CSTPP1: variants seen among roughly 807,000 people sequenced by gnomAD.
The protein encoded by CSTPP1 is centriolar satellite-associated tubulin polyglutamylase complex regulator 1.
chr11:47,007,969 T>C, the CSTPP1 span, among the ~76,000 whole-genome samples: 1 of 152,110 alleles, frequency 6.6e-6, no homozygotes, highest in Non-Finnish European at 1.5e-5. Context: ...ACTCTATTTT[T>C]TTTTTCTTTT....
the CSTPP1 span, chr11:47,157,930 A>G: frequency 6.2e-7 from 1 of 1,609,008 alleles, no homozygotes; most frequent in Non-Finnish European, 8.5e-7. Flanking sequence ...TCGGTAAGTC[A>G]GAGCTAAGCA....
chr11:47,034,332 G>A, the CSTPP1 span, among the ~76,000 whole-genome samples: 2,311 of 152,052 alleles, frequency 0.015, 63 homozygotes, highest in African/African-American at 0.053. Context: ...TCATAAACCT[G>A]ACTGTGTTTG....
the CSTPP1 span, among the ~76,000 whole-genome samples, chr11:47,072,841 T>C: frequency 6.6e-6 from 1 of 152,198 alleles, no homozygotes; most frequent in African/African-American, 2.4e-5. Flanking sequence ...GTTTCTACTT[T>C]TAAAGTAAAA....
the CSTPP1 span, among the ~76,000 whole-genome samples, chr11:47,028,445 G>A: frequency 6.6e-6 from 1 of 152,130 alleles, no homozygotes; most frequent in Non-Finnish European, 1.5e-5. Context: ...GATAACAACA[G>A]CCTACTAGAG....
chr11:46,972,512 C>A, the CSTPP1 span, among the ~76,000 whole-genome samples: 2 of 152,082 alleles, frequency 1.3e-5, no homozygotes, highest in Non-Finnish European at 2.9e-5. Flanking sequence ...GCTATTTGAG[C>A]GGTACAGTGT....
the CSTPP1 span, among the ~76,000 whole-genome samples, chr11:47,147,391 T>C: frequency 3.9e-5 from 6 of 152,114 alleles, no homozygotes; most frequent in Non-Finnish European, 8.8e-5. Context: ...TTTGAGGCAT[T>C]TGAGGGCAGA....
chr11:47,115,796 GT>G, the CSTPP1 span, among the ~76,000 whole-genome samples: 1 of 150,424 alleles, frequency 6.6e-6, no homozygotes, highest in Non-Finnish European at 1.5e-5. Context: ...TTTTTGTAGG[GT>G]TTTTTGTGTC....
the CSTPP1 span, among the ~76,000 whole-genome samples, chr11:46,988,243 C>T: frequency 1.3e-5 from 2 of 152,032 alleles, no homozygotes; most frequent in Non-Finnish European, 2.9e-5. Context: ...ATTAGTGTAT[C>T]GAATAAATAT....
chr11:47,063,479 C>T, the CSTPP1 span, among the ~76,000 whole-genome samples: 3 of 152,070 alleles, frequency 2.0e-5, no homozygotes, highest in Non-Finnish European at 2.9e-5. Flanking sequence ...AACAATGACT[C>T]CCATTTCTCT....
chr11:47,164,141 G>T, the CSTPP1 span: 2 of 1,613,964 alleles, frequency 1.2e-6, no homozygotes, highest in Admixed American at 1.7e-5. Flanking sequence ...ACAGAGCCAA[G>T]GAGCCAGGGG....
chr11:47,056,792 G>T, the CSTPP1 span, among the ~76,000 whole-genome samples: 1 of 152,156 alleles, frequency 6.6e-6, no homozygotes, highest in Non-Finnish European at 1.5e-5. Context: ...AGGTTCTAAA[G>T]GAAAGGATTT....
At chr11:47,093,008 G>C in the CSTPP1 span, among the ~76,000 whole-genome samples, 2 of 152,220 alleles carry the variant, frequency 1.3e-5, no homozygotes, top group African/African-American at 4.8e-5. Context: ...GAATGAATAA[G>C]TAATACAAGT....
chr11:47,053,548 G>A, the CSTPP1 span, among the ~76,000 whole-genome samples: 9 of 151,376 alleles, frequency 5.9e-5, no homozygotes, highest in Admixed American at 2.6e-4. Flanking sequence ...GAACCCTGGG[G>A]GACAGAGGTT....
chr11:47,069,920 G>C, the CSTPP1 span, among the ~76,000 whole-genome samples: 2 of 152,138 alleles, frequency 1.3e-5, no homozygotes, highest in African/African-American at 4.8e-5. Flanking sequence ...TCACCATGTT[G>C]GCCAGGCTGG....
the CSTPP1 span, among the ~76,000 whole-genome samples, chr11:46,982,868 A>G: frequency 1.3e-5 from 2 of 152,308 alleles, no homozygotes; most frequent in South Asian, 2.1e-4. Flanking sequence ...AGATGATTAC[A>G]TAGATTATTT....
chr11:47,033,727 G>A, the CSTPP1 span, among the ~76,000 whole-genome samples: 2 of 152,334 alleles, frequency 1.3e-5, no homozygotes, highest in East Asian at 3.9e-4. Flanking sequence ...CTTCAATGGT[G>A]TAATCCTCCC....
chr11:47,110,090 C>T, the CSTPP1 span, among the ~76,000 whole-genome samples: 1 of 152,158 alleles, frequency 6.6e-6, no homozygotes, highest in Non-Finnish European at 1.5e-5. Flanking sequence ...TGTATCACAC[C>T]ACCCTGCCTG....
the CSTPP1 span, among the ~76,000 whole-genome samples, chr11:46,996,692 AGT>A: frequency 1.3e-5 from 2 of 152,158 alleles, no homozygotes; most frequent in Non-Finnish European, 2.9e-5. Flanking sequence ...ATGTTTTTGC[AGT>A]GGCTGGTACT....
the CSTPP1 span, among the ~76,000 whole-genome samples, chr11:47,136,696 T>C: frequency 2.4e-4 from 37 of 152,284 alleles, no homozygotes; most frequent in South Asian, 7.2e-3. Flanking sequence ...CCATGCCCTC[T>C]GGATTCCCTC....
Sources: gnomAD v4.1 joint callset for allele counts (sites outside exome capture counted in the v4.1 genomes callset) on GRCh38, gnomAD v4.1.1 for gene constraint, MANE v1.5 for transcripts, NCBI Gene and HGNC (gene_info 2026-07-23, HGNC 2026-07-21) for gene names.